The following PEBP4 variants were observed in gnomAD, a reference collection of about 807,000 sequenced individuals.
PEBP4 encodes phosphatidylethanolamine binding protein 4, also known as phosphatidylethanolamine-binding protein 4.
Under a neutral mutation model 23.9 loss-of-function variants are expected in PEBP4, and 22 were observed. That is an observed-to-expected ratio of 0.92 (90% confidence interval 0.66 to 1.31). The LOEUF is 1.31. Ranked by LOEUF, PEBP4 falls within the 40% of genes most tolerant of loss-of-function variation. The pLI is 0.00. For missense variants in PEBP4, 324 were observed against 281.7 expected (o/e 1.15, Z -1.07); for synonymous variants, 112 against 99.3 (o/e 1.13, Z -0.76).
chr8:22,839,996 A>G (rs1356314860), intron 3 of PEBP4, among the ~76,000 whole-genome samples: 1 of 152,260 alleles, frequency 6.6e-6, no homozygotes, highest in African/African-American at 2.4e-5. Context: ...AAGTGTTTTC[A>G]TTTAAAAGAA....
At chr8:22,811,658 G>T (rs1235249429) in intron 4 of PEBP4, among the ~76,000 whole-genome samples, 1 of 152,216 alleles carries the variant, frequency 6.6e-6, no homozygotes, top group African/African-American at 2.4e-5. Context: ...ACGGCTCCAG[G>T]GAGTCTGCTC....
chr8:22,754,734 A>T (rs1400421158), intron 4 of PEBP4: 1 of 152,282 alleles, frequency 6.6e-6, no homozygotes, highest in African/African-American at 2.4e-5. Context: ...TATGGATCAC[A>T]CAGACCTCTG....
chr8:22,724,775 A>T (rs1442140034), intron 6 of PEBP4, 68 bp downstream of exon 6: 14 of 1,253,416 alleles, frequency 1.1e-5, no homozygotes, highest in Non-Finnish European at 1.6e-5. Context: ...TTCCCCGTAA[A>T]TGCCTGAAGC....
At chr8:22,897,665 C>T (rs894888651) in intron 3 of PEBP4, 3 of 152,122 alleles carry the variant, frequency 2.0e-5, no homozygotes, top group Admixed American at 1.3e-4. Flanking sequence ...TTCCTTTAAA[C>T]ATCAAACTCA....
chr8:22,848,363 G>A (rs573186424), intron 3 of PEBP4, among the ~76,000 whole-genome samples: 83 of 152,250 alleles, frequency 5.5e-4, no homozygotes, highest in Middle Eastern at 6.8e-3. Flanking sequence ...CGAGAGTGGA[G>A]TATGGGGCGA....
At chr8:22,776,272 C>T (rs1162838976) in intron 4 of PEBP4, among the ~76,000 whole-genome samples, 1 of 152,202 alleles carries the variant, frequency 6.6e-6, no homozygotes, top group South Asian at 2.1e-4. Flanking sequence ...CTTCCCTTTC[C>T]CCTTTCTTCA....
chr8:22,912,909 A>T (rs1046115810), intron 3 of PEBP4, among the ~76,000 whole-genome samples: 1 of 152,004 alleles, frequency 6.6e-6, no homozygotes, highest in Non-Finnish European at 1.5e-5. Context: ...CGCCCTCCTC[A>T]CCTGCCTTCC....
intron 3 of PEBP4, among the ~76,000 whole-genome samples, chr8:22,905,866 G>A (rs1328486394): frequency 6.6e-6 from 1 of 152,202 alleles, no homozygotes; most frequent in East Asian, 1.9e-4. Flanking sequence ...CACCTCACGT[G>A]GCCCTGTTTC....
intron 3 of PEBP4, among the ~76,000 whole-genome samples, chr8:22,879,033 G>A (rs1808187570): frequency 6.6e-6 from 1 of 152,156 alleles, no homozygotes; most frequent in South Asian, 2.1e-4. Flanking sequence ...CTGAAAGAGA[G>A]GACAAGCCCT....
chr8:22,785,419 A>G (rs1706923669), intron 4 of PEBP4, among the ~76,000 whole-genome samples: 1 of 151,304 alleles, frequency 6.6e-6, no homozygotes, highest in Non-Finnish European at 1.5e-5. Context: ...CCATTTCGAG[A>G]CCCCAGATGT....
At chr8:22,743,203 G>C (rs1276911808) in intron 4 of PEBP4, among the ~76,000 whole-genome samples, 1 of 152,176 alleles carries the variant, frequency 6.6e-6, no homozygotes, top group Non-Finnish European at 1.5e-5. Context: ...GGGCTGGGGA[G>C]TGAGCAAGGG....
At chr8:22,936,327 T>A (rs958633878) in intron 1 of PEBP4, among the ~76,000 whole-genome samples, 1 of 152,106 alleles carries the variant, frequency 6.6e-6, no homozygotes, top group Admixed American at 6.5e-5. Flanking sequence ...GGTAAGGTTG[T>A]TGGTTATGTA....
chr8:22,714,143 C>G (rs1052833030), intron 6 of PEBP4, among the ~76,000 whole-genome samples: 1 of 152,238 alleles, frequency 6.6e-6, no homozygotes, highest in African/African-American at 2.4e-5. Context: ...GGCGGGGGAG[C>G]TGGGCCTGCA....
At chr8:22,930,699 G>C (rs986795222), upstream of PEBP4, among the ~76,000 whole-genome samples, 17 of 152,112 alleles carry the variant, frequency 1.1e-4, no homozygotes, top group Admixed American at 3.3e-4. Flanking sequence ...TGTGCAGAGA[G>C]ATCTGGCAGA....
chr8:22,805,393 C>T lies in PEBP4; in HGVS notation c.357+12244G>A, dbSNP rs141275360. The stretch of plus-strand genomic sequence containing the variant: ...CCAGGCTGGAGTGCGATGGCACGAT[C>T]TTGGCTCACCACAACCTCCGTCTCC... On this transcript the variant is annotated intron_variant, in intron 4 of 6. Coordinates refer to ENST00000256404, the MANE Select transcript of PEBP4 (RefSeq NM_144962.3). 2.9e-3 allele frequency among the ~76,000 whole-genome samples: 429 copies of T among 147,720 alleles called. 1 individual carries two copies. The highest frequency in any genetic ancestry group is 7.1e-3 in the Admixed American group (103 of 14,608).
intron 3 of PEBP4, among the ~76,000 whole-genome samples, chr8:22,906,274 G>T (rs567452998): frequency 6.6e-6 from 1 of 152,274 alleles, no homozygotes; most frequent in East Asian, 1.9e-4. Flanking sequence ...AGCCTTGGGA[G>T]AGTGTGCCTT....
At chr8:22,714,933 C>G (rs1804382480) in intron 6 of PEBP4, among the ~76,000 whole-genome samples, 1 of 152,206 alleles carries the variant, frequency 6.6e-6, no homozygotes, top group South Asian at 2.1e-4. Context: ...AGTAACACCC[C>G]ACCTATGTGT....
At chr8:22,713,673 G>T in intron 6 of PEBP4, 137 bp from the exon 7 acceptor site, 1 of 1,251,966 alleles carries the variant, frequency 8.0e-7, no homozygotes, top group Non-Finnish European at 1.1e-6. Flanking sequence ...GTAGTGGCTG[G>T]GGGAGCTTCC....
chr8:22,811,932 A>T (rs1806637992), intron 4 of PEBP4, among the ~76,000 whole-genome samples: 1 of 152,196 alleles, frequency 6.6e-6, no homozygotes, highest in South Asian at 2.1e-4. Flanking sequence ...TCAGATGTCA[A>T]AGTTGGGGGC....
Sources: gnomAD v4.1 joint callset for allele counts (sites outside exome capture counted in the v4.1 genomes callset) on GRCh38, gnomAD v4.1.1 for gene constraint, MANE v1.5 for transcripts, NCBI Gene and HGNC (gene_info 2026-07-23, HGNC 2026-07-21) for gene names.